PGM5: variants seen among roughly 807,000 people sequenced by gnomAD.
PGM5 encodes phosphoglucomutase-like protein 5.
Under a neutral mutation model 59.2 loss-of-function variants are expected in PGM5, and 23 were observed. The observed-to-expected ratio is 0.39, with a 90% CI of 0.28 to 0.55. PGM5 has a LOEUF of 0.55. PGM5 is among the 20% of genes least tolerant of loss of function. PGM5 has a pLI of 0.66. For missense variants in PGM5, 574 were observed against 748.3 expected (o/e 0.77, Z 2.72); for synonymous variants, 214 against 286.0 (o/e 0.75, Z 2.54).
intron 6 of PGM5, among the ~76,000 whole-genome samples, chr9:68,415,671 A>G (rs1823012151): frequency 8.4e-6 from 1 of 118,400 alleles, no homozygotes; most frequent in Admixed American, 9.2e-5. Flanking sequence ...TTAATGGTGC[A>G]TAGCACCTTG....
In PGM5 at chr9:68,511,545, C is replaced by CTTTTTTTT. The variant is rs3064033; in HGVS notation, c.1614+12202_1614+12209dup. 1.8e-3 allele frequency among the ~76,000 whole-genome samples: 114 copies of CTTTTTTTT among 62,734 alleles called. 25 individuals carry two copies. Among genetic ancestry groups the CTTTTTTTT allele is most frequent in the South Asian group, 6.5e-3 (8 of 1,222 alleles). 41.2% of individuals were successfully genotyped at this position (62,734 alleles called of 152,430 possible). On this transcript the variant is annotated intron_variant, in intron 10 of 10. Coordinates refer to ENST00000396396, the MANE Select transcript of PGM5 (RefSeq NM_021965.4). ...TTGTCACTAATGTTATTGTTTTTGC[C>CTTTTTTTT]TTTTTTTTTTTTTTTTTTTTTTTTT...
At chr9:68,381,639 T>TACACACACAC (rs1822075161) in intron 2 of PGM5, among the ~76,000 whole-genome samples, 1 of 128,850 alleles carries the variant, frequency 7.8e-6, no homozygotes, top group African/African-American at 3.9e-5. Flanking sequence ...ATTCTACACA[T>TACACACACAC]GCACACACAC....
At chr9:68,476,443 T>C (rs1273693758) in intron 7 of PGM5, among the ~76,000 whole-genome samples, 4 of 152,380 alleles carry the variant, frequency 2.6e-5, no homozygotes, top group Middle Eastern at 3.4e-3. Context: ...TTACTCTGTT[T>C]ATAGTGGGGT....
At chr9:68,461,728 A>T (rs1823862163) in intron 6 of PGM5, among the ~76,000 whole-genome samples, 1 of 151,878 alleles carries the variant, frequency 6.6e-6, no homozygotes, top group Non-Finnish European at 1.5e-5. Context: ...AACCTCTAGA[A>T]CTGTGGGAAA....
At chr9:68,445,693 G>A (rs554371767) in intron 6 of PGM5, among the ~76,000 whole-genome samples, 1 of 152,320 alleles carries the variant, frequency 6.6e-6, no homozygotes, top group African/African-American at 2.4e-5. Flanking sequence ...ATCGTATGAA[G>A]ACCTTAAATA....
chr9:68,441,381 T>G (rs1587811170), intron 6 of PGM5, among the ~76,000 whole-genome samples: 1 of 152,006 alleles, frequency 6.6e-6, no homozygotes, highest in South Asian at 2.1e-4. Flanking sequence ...TAAAAATCAT[T>G]AACAAAATAT....
At chr9:68,483,344 A>C (rs1215700166) in intron 8 of PGM5, among the ~76,000 whole-genome samples, 2 of 152,226 alleles carry the variant, frequency 1.3e-5, no homozygotes, top group African/African-American at 2.4e-5. Flanking sequence ...TCACATTCTA[A>C]TGGTGACAGT....
intron 10 of PGM5, among the ~76,000 whole-genome samples, chr9:68,528,370 G>A (rs531390642): frequency 2.6e-4 from 39 of 151,996 alleles, no homozygotes; most frequent in Non-Finnish European, 4.7e-4. Flanking sequence ...TCAGCCTACC[G>A]AGTAGCTAGG....
rs1822370094 is a variant in PGM5 at position 68,391,744 on chromosome 9, G to C, written c.888+20G>C. On this transcript the variant is annotated intron_variant, in intron 5 of 10. Coordinates refer to ENST00000396396, the MANE Select transcript of PGM5 (RefSeq NM_021965.4). Reference sequence around the variant, plus strand: ...GATGGGGTAAGTAGGAAAGCTGTCTGTCTGCTGACCCTTTGATCATATAAT... The same window carrying C: ...GATGGGGTAAGTAGGAAAGCTGTCTCTCTGCTGACCCTTTGATCATATAAT... 2 of 1,611,362 alleles carry C rather than the reference G, an allele frequency of 1.2e-6. No homozygotes were observed. The highest frequency in any genetic ancestry group is 2.2e-5 in the East Asian group (1 of 44,822).
At chr9:68,364,717 C>A (rs1184226348) in intron 1 of PGM5, among the ~76,000 whole-genome samples, 1 of 152,078 alleles carries the variant, frequency 6.6e-6, no homozygotes, top group Non-Finnish European at 1.5e-5. Context: ...GAGCCCTTGG[C>A]TCCATCTATC....
chr9:68,526,760 T>C (rs1824981438), intron 10 of PGM5, among the ~76,000 whole-genome samples: 1 of 152,234 alleles, frequency 6.6e-6, no homozygotes, highest in African/African-American at 2.4e-5. Flanking sequence ...TTTTGTAGTA[T>C]CTCACCCACA....
chr9:68,488,290 T>C (rs1379314699), intron 9 of PGM5, among the ~76,000 whole-genome samples: 1 of 152,214 alleles, frequency 6.6e-6, no homozygotes, highest in Non-Finnish European at 1.5e-5. Flanking sequence ...CGAAAGGTTT[T>C]TTAAGGCAGC....
chr9:68,491,554 C>G (rs1047470037), intron 9 of PGM5, among the ~76,000 whole-genome samples: 11 of 152,196 alleles, frequency 7.2e-5, no homozygotes, highest in Admixed American at 2.0e-4. Context: ...CAGTCGGGCT[C>G]TGTATTGCAC....
At chr9:68,457,981 T>C (rs1214174536) in intron 6 of PGM5, among the ~76,000 whole-genome samples, 1 of 152,212 alleles carries the variant, frequency 6.6e-6, no homozygotes, top group East Asian at 1.9e-4. Flanking sequence ...GCTGGAGCAC[T>C]TGAGACTTAA....
At chr9:68,472,170 G>T (rs1400131630) in intron 7 of PGM5, among the ~76,000 whole-genome samples, 1 of 152,102 alleles carries the variant, frequency 6.6e-6, no homozygotes, top group Non-Finnish European at 1.5e-5. Flanking sequence ...CACAATGATG[G>T]TATAGAGACC....
intron 1 of PGM5, among the ~76,000 whole-genome samples, chr9:68,377,779 T>C (rs1201029820): frequency 6.6e-6 from 1 of 152,248 alleles, no homozygotes; most frequent in Non-Finnish European, 1.5e-5. Context: ...TCTGAGCTTG[T>C]TCTAAGTTAC....
chr9:68,407,651 A>G (rs1822847483), intron 6 of PGM5, among the ~76,000 whole-genome samples: 1 of 152,186 alleles, frequency 6.6e-6, no homozygotes, highest in Non-Finnish European at 1.5e-5. Flanking sequence ...AACAGACCTG[A>G]AATGTTTATC....
At chr9:68,529,164 CGTGTGTGTGTGTGT>C (rs3223716) in intron 10 of PGM5, among the ~76,000 whole-genome samples, 38 of 131,950 alleles carry the variant, frequency 2.9e-4, no homozygotes, top group South Asian at 1.6e-3. Flanking sequence ...CTTTTATTCT[CGTGTGTGTGTGTGT>C]GTGTGTGTGT....
At chr9:68,529,535 G>T in intron 10 of PGM5, 32 bp from the exon 11 acceptor site, 1 of 1,485,016 alleles carries the variant, frequency 6.7e-7, no homozygotes, top group Non-Finnish European at 9.3e-7. Context: ...ACTGACTTGA[G>T]TTGTTCACAG....
Sources: allele counts gnomAD v4.1 joint callset (sites outside exome capture counted in the v4.1 genomes callset), GRCh38; gene constraint gnomAD v4.1.1; transcripts MANE v1.5; gene names NCBI Gene and HGNC (gene_info 2026-07-23, HGNC 2026-07-21).